Variants in F5 observed in about 807,000 individuals in gnomAD.
F5 encodes the protein coagulation factor V, also known as activated protein c cofactor.
In F5, 138 loss-of-function variants were observed where a neutral mutation model predicts 216.4. The ratio of observed to expected loss-of-function variants is 0.64; its 90% CI spans 0.56 to 0.73. F5 has a LOEUF of 0.73. F5 is among the 30% of genes least tolerant of loss of function. The pLI is 0.00. For missense variants in F5, 2,403 were observed against 2,674.0 expected (o/e 0.90, Z 2.24); for synonymous variants, 916 against 930.7 (o/e 0.98, Z 0.29).
chr1:169,540,604 G>A lies in F5; in HGVS notation c.4486C>T (p.Pro1496Ser). ...GATAGAAAAGTATCATTGAGAGTAG[G>A]AGATGAAGGAGATGGCATCTGACCA... ...DLGQMPSPSS[P>S]TLNDTFLSKE... Residue 1496 changes from proline (P) to serine (S), a missense_variant, in exon 13 of 25, where the codon CCT becomes TCT. Physicochemically the swap from Pro to Ser is moderately conservative, Grantham distance 74. Coordinates refer to ENST00000367797, the MANE Select transcript of F5 (RefSeq NM_000130.5). The A allele has an allele frequency of 6.2e-7, 1 of 1,614,012 alleles. No homozygotes were observed. Among genetic ancestry groups the A allele is most frequent in the Non-Finnish European group, 8.5e-7 (1 of 1,179,982 alleles).
chr1:169,521,293 G>A (rs774457110), intron 21 of F5, among the ~76,000 whole-genome samples: 1 of 152,152 alleles, frequency 6.6e-6, no homozygotes, highest in South Asian at 2.1e-4. Flanking sequence ...TGTCAGAAAA[G>A]GCCATGTAGG....
chr1:169,556,592 A>G (rs1156512480), intron 6 of F5, 54 bp downstream of exon 6: 1 of 1,567,510 alleles, frequency 6.4e-7, no homozygotes, highest in Non-Finnish European at 8.8e-7. Flanking sequence ...GAGTTAGTGC[A>G]TGGGAAGAAA....
chr1:169,515,567 T>C lies in F5; in HGVS notation c.6405A>G (p.Ala2135=). The C allele has an allele frequency of 6.2e-7, 1 of 1,613,500 alleles. No individual in the cohort carries two copies. The highest frequency in any genetic ancestry group is 8.5e-7 in the Non-Finnish European group (1 of 1,179,654). The part of the protein sequence containing the change: ...IDLLKIKKIT[A]IITQGCKSLS... ...GAGACTTGCAGCCCTGTGTTATAAT[T>C]GCCGTTATCTTCTTGATCTTGAGTA... Residue 2135 remains alanine, a synonymous_variant, in exon 24 of 25, where the codon GCA becomes GCG. Coordinates refer to ENST00000367797, the MANE Select transcript of F5 (RefSeq NM_000130.5).
In F5 at chr1:169,540,643, G is replaced by A. The variant is rs1393249537; in HGVS notation, c.4447C>T (p.Pro1483Ser). The change falls in exon 13 of 25, where the codon CCT (proline) becomes TCT (serine). Residue 1483 changes from proline to serine, a missense_variant. Pro to Ser is a moderately conservative substitution (Grantham distance 74, BLOSUM62 -1). Around this residue, in one of 4 missense-constraint regions of F5, gnomAD observed 293 missense variants for 270.8 expected, o/e 1.08. Coordinates refer to ENST00000367797, the MANE Select transcript of F5 (RefSeq NM_000130.5). ...LLLQEFNESF[P>S]YPDLGQMPSP... ...GGCATCTGACCAAGGTCTGGATAAG[G>A]AAAAGACTCATTAAATTCTTGAAGA... 5 of 1,613,940 alleles carry A rather than the reference G, an allele frequency of 3.1e-6. No individual in the cohort carries two copies.
In F5 at chr1:169,552,744, A is replaced by C; in HGVS notation, c.1119-10T>G. ...CTGAGACCTGTATTTTCTTAAAGTG[A>C]AGTAAAAAAAAATTAAACCACTTTC... On this transcript the variant is annotated splice_polypyrimidine_tract_variant and intron_variant, in intron 7 of 24. Transcript: ENST00000367797. The C allele has an allele frequency of 6.2e-7, 1 of 1,602,282 alleles. No homozygotes were observed. The highest frequency in any genetic ancestry group is 8.5e-7 in the Non-Finnish European group (1 of 1,171,334).
At chr1:169,536,185 T>G (rs1297890173) in intron 14 of F5, among the ~76,000 whole-genome samples, 1 of 152,140 alleles carries the variant, frequency 6.6e-6, no homozygotes, top group Admixed American at 6.6e-5. Flanking sequence ...CCACCACCAC[T>G]GCTATGAAAC....
chr1:169,530,808 G>A lies in F5; in HGVS notation c.5186C>T (p.Ala1729Val). 6.2e-7 allele frequency: 1 copy of A among 1,613,896 alleles called. No individual in the cohort carries two copies. ...TACTGGGTTCACAGCTGAGTAGTAG[G>A]CCCAAGCCCGACAGGCAGAGCCAGG... ...ESPGSACRAW[A>V]YYSAVNPEKD... is the part of the protein sequence containing the mutation. Residue 1729 changes from alanine to valine, a missense_variant, in exon 15 of 25, where the codon GCC (alanine) becomes GTC (valine). Physicochemically the swap from Ala to Val is moderately conservative, Grantham distance 64 (BLOSUM62 0). Coordinates refer to ENST00000367797, the MANE Select transcript of F5 (RefSeq NM_000130.5).
Position 169,528,110 on chromosome 1 carries a change from G to A in F5, c.5420-16C>T. Reference sequence around the variant, plus strand: ...CCATTAATGGCTGAAAGGACAAAGAGTTGAAATCAATTAAAAATCTGTTGA... The same window carrying A: ...CCATTAATGGCTGAAAGGACAAAGAATTGAAATCAATTAAAAATCTGTTGA... On this transcript the variant is annotated splice_polypyrimidine_tract_variant and intron_variant, in intron 16 of 24. Coordinates refer to ENST00000367797, the MANE Select transcript of F5 (RefSeq NM_000130.5). The A allele has an allele frequency of 2.5e-6, 4 of 1,613,484 alleles. No individual in the cohort carries two copies. The highest frequency in any genetic ancestry group is 1.7e-5 in the Admixed American group (1 of 59,962).
chr1:169,520,516 T>G lies in F5; in HGVS notation c.6193+4A>C. The G allele has an allele frequency of 6.2e-7, 1 of 1,613,936 alleles. No individual in the cohort carries two copies. On this transcript the variant is annotated splice_donor_region_variant and intron_variant, in intron 22 of 24. Transcript: ENST00000367797. ...TGAGAAAATAATGCATCTTTGTACC[T>G]TACCATTTACCTCACAACCTTGCAG...
Position 169,546,452 on chromosome 1 carries a change from G to A in F5, c.1752C>T (p.Asn584=). 2 of 1,614,102 alleles carry A rather than the reference G, an allele frequency of 1.2e-6. No homozygotes were observed. Among genetic ancestry groups the A allele is most frequent in the Non-Finnish European group, 1.7e-6 (2 of 1,179,988 alleles). ...KRDDPKFYES[N]IMSTINGYVP... ...AGTACTCTGACTTACTGCTCATGATGTTTGATTCATAAAACTTGGGGTCAT... is the reference window on the plus strand; with the variant it reads ...AGTACTCTGACTTACTGCTCATGATATTTGATTCATAAAACTTGGGGTCAT... The change falls in exon 11 of 25, where the codon AAC becomes AAT. Residue 584 remains asparagine, a synonymous_variant. Transcript: ENST00000367797.
At chr1:169,548,775 A>C (rs1660077828) in intron 10 of F5, among the ~76,000 whole-genome samples, 1 of 151,258 alleles carries the variant, frequency 6.6e-6, no homozygotes, top group African/African-American at 2.4e-5. Flanking sequence ...AGACTGAGGC[A>C]GGAGAATCAC....
At chr1:169,514,565 TC>T in intron 24 of F5, 106 bp from the exon 25 acceptor site, 1 of 934,920 alleles carries the variant, frequency 1.1e-6, no homozygotes, top group African/African-American at 1.7e-5. Context: ...CAGGCTTGAG[TC>T]CAGTGGCACA....
chr1:169,531,074 C>T, intron 14 of F5, 52 bp from the exon 15 acceptor site: 2 of 1,377,280 alleles, frequency 1.5e-6, no homozygotes, highest in South Asian at 2.3e-5. Flanking sequence ...AAAATCTAAA[C>T]CACAAAAATG....
rs1659815701 is a variant in F5, at chr1:169,540,772, G to C, written c.4318C>G (p.Pro1440Ala). ...SPDLSQVTLS[P>A]DISDTTLLPD... ...AGAAGGGTGGTGTCACTGATGTCTGGAGAGAGAGTCACCTGGCTGAGGTCT... is the reference window on the plus strand; with the variant it reads ...AGAAGGGTGGTGTCACTGATGTCTGCAGAGAGAGTCACCTGGCTGAGGTCT... The change falls in exon 13 of 25, where the codon CCA (proline) becomes GCA (alanine). Residue 1440 changes from proline (P) to alanine (A), a missense_variant. This residue lies in a region of F5 where 293 missense variants were observed against 270.8 expected (regional missense o/e 1.08). Transcript: ENST00000367797. 1.2e-6 allele frequency: 2 copies of C among 1,614,038 alleles called. No individual in the cohort carries two copies. Among genetic ancestry groups the C allele is most frequent in the Admixed American group, 1.7e-5 (1 of 59,984 alleles).
In F5 at chr1:169,572,266, A is replaced by C. The variant is rs576928863; in HGVS notation, c.328T>G (p.Leu110Val). 8.1e-6 allele frequency: 13 copies of C among 1,613,244 alleles called. No individual in the cohort carries two copies. The South Asian group carries it at 1.4e-4, about 18-fold the overall frequency. The change falls in exon 3 of 25, where the codon TTG (leucine) becomes GTG (valine). Residue 110 changes from leucine to valine, a missense_variant. By Grantham distance (32) the Leu-to-Val change is conservative. Around this residue, in one of 4 missense-constraint regions of F5, gnomAD observed 1,425 missense variants for 1,554.8 expected, o/e 0.92. Transcript: ENST00000367797. ...CTAATTCCTTGAGGATGGATGCTCAAGGGCTTATCTGCCTTATTTTTAAAG... is the reference window on the plus strand; with the variant it reads ...CTAATTCCTTGAGGATGGATGCTCACGGGCTTATCTGCCTTATTTTTAAAG... ...VHFKNKADKPLSIHPQGIRYS... is the reference protein window; with the variant it reads ...VHFKNKADKPVSIHPQGIRYS...
intron 22 of F5, 103 bp downstream of exon 22, chr1:169,520,417 C>G (rs1199112866): frequency 2.1e-6 from 3 of 1,428,994 alleles, no homozygotes; most frequent in Admixed American, 3.4e-5. Context: ...TCCTAGGAGC[C>G]TAAGTCACTG....
At chr1:169,515,767 C>A (rs1479148297) in intron 23 of F5, 141 bp from the exon 24 acceptor site, 3 of 748,152 alleles carry the variant, frequency 4.0e-6, no homozygotes, top group African/African-American at 3.5e-5. Flanking sequence ...CTCCTAGAAG[C>A]TTTCCCTCTT....
intron 17 of F5, among the ~76,000 whole-genome samples, chr1:169,526,279 A>G (rs948985554): frequency 2.0e-5 from 3 of 152,202 alleles, no homozygotes; most frequent in Admixed American, 6.5e-5. Flanking sequence ...TAATGTTACA[A>G]ATTAACTCAC....
At position 169,536,579 on chromosome 1, in the gene F5, G is replaced by C; in HGVS notation, c.4898C>G (p.Pro1633Arg). 1 of 1,613,460 alleles carries C rather than the reference G, an allele frequency of 6.2e-7. No individual in the cohort carries two copies. The highest frequency in any genetic ancestry group is 8.5e-7 in the Non-Finnish European group (1 of 1,179,586). Residue 1633 changes from proline to arginine, a missense_variant, in exon 14 of 25, where the codon CCT becomes CGT. This residue lies in a region of F5 where 659 missense variants were observed against 787.9 expected (regional missense o/e 0.84). Coordinates refer to ENST00000367797, the MANE Select transcript of F5 (RefSeq NM_000130.5). ...YLDSTFTKRD[P>R]RGEYEEHLGI... Reference sequence around the variant, plus strand: ...GAGATGCTCTTCATACTCCCCTCGAGGATCACGTTTGGTAAAAGTGCTGTC... The same window carrying C: ...GAGATGCTCTTCATACTCCCCTCGACGATCACGTTTGGTAAAAGTGCTGTC...
Sources: allele counts gnomAD v4.1 joint callset (sites outside exome capture counted in the v4.1 genomes callset), GRCh38; gene constraint gnomAD v4.1.1; regional missense constraint gnomAD v4.1.1; transcripts MANE v1.5; gene names NCBI Gene and HGNC (gene_info 2026-07-23, HGNC 2026-07-21).